GAMT: variants seen among roughly 807,000 people sequenced by gnomAD.
GAMT encodes the protein epididymis secretory protein Li 20.
In GAMT, 26 loss-of-function variants were observed where a neutral mutation model predicts 26.9. That is an observed-to-expected ratio of 0.97 (90% CI 0.71 to 1.34). The LOEUF is 1.34. Among genes scored for constraint, GAMT ranks in the 40% most tolerant of loss-of-function variants. The pLI, the probability that GAMT is intolerant of heterozygous loss-of-function variation, is 0.00. For synonymous variants in GAMT, 169 were observed against 149.6 expected (o/e 1.13, Z -0.95); for missense variants, 412 against 345.0 (o/e 1.19, Z -1.54).
At chr19:1,401,221 G>A in intron 1 of GAMT, 75 bp downstream of exon 1, 1 of 1,228,400 alleles carries the variant, frequency 8.1e-7, no homozygotes, top group South Asian at 2.1e-5. Flanking sequence ...GGGCTGCAGA[G>A]TCCCCGGGTC....
At position 1,397,114 on chromosome 19, in the gene GAMT, G is replaced by A. The variant is rs532056674; in HGVS notation, c.*245C>T. On this transcript the variant is annotated 3_prime_UTR_variant, in exon 6 of 6. Transcript: ENST00000252288. The stretch of plus-strand genomic sequence containing the variant: ...TCACTGCCGACTGGCCAAGCCCAGC[G>A]CCGGCGTTTACTTCACCTCAGGGAC... 2.4e-5 allele frequency: 13 copies of A among 532,966 alleles called. No homozygotes were observed. Among genetic ancestry groups the A allele is most frequent in the East Asian group, 9.3e-5 (3 of 32,164 alleles). 33.0% of individuals were successfully genotyped at this position (532,966 alleles called of 1,614,324 possible).
chr19:1,398,619 T>C lies in GAMT; in HGVS notation c.570+297A>G, dbSNP rs2082614313. 9.1e-6 allele frequency: 8 copies of C among 883,512 alleles called. No homozygotes were observed. The East Asian group carries it at 2.1e-4, about 24-fold the overall frequency. The allele number at this position is 883,512 out of a possible 1,614,324, so 54.7% of individuals were successfully genotyped here. A position where few individuals can be genotyped will look rare whatever the true frequency, so the allele number is the denominator to read the frequency against. On this transcript the variant is annotated intron_variant, in intron 5 of 5. Coordinates refer to ENST00000252288, the MANE Select transcript of GAMT (RefSeq NM_000156.6). Reference sequence around the variant, plus strand: ...CCCAGCTAGTTTTTTGTATTTTTTTTTTTTAGGAAAGATGAGGTCTTGCTC... The same window carrying C: ...CCCAGCTAGTTTTTTGTATTTTTTTCTTTTAGGAAAGATGAGGTCTTGCTC...
rs2082617102 is a variant in GAMT at position 1,398,985 on chromosome 19, G to A, written c.501C>T (p.Thr167=). 2 of 1,613,368 alleles carry A rather than the reference G, an allele frequency of 1.2e-6. No individual in the cohort carries two copies. Among genetic ancestry groups the A allele is most frequent in the Non-Finnish European group, 1.7e-6 (2 of 1,180,020 alleles). Residue 167 remains threonine, a synonymous_variant, in exon 5 of 6, where the codon ACC becomes ACT. Transcript: ENST00000252288. ...CCCCCCAGGAGGTGAGGTTGCAGTA[G>A]GTGAGGACGCCCCCCGGCTTCAGCA... is the stretch of plus-strand genomic sequence containing the variant. The part of the protein sequence containing the change: ...FRLLKPGGVL[T]YCNLTSWGEL...
Position 1,399,256 on chromosome 19 carries a change from C to G in GAMT, c.392-61G>C, listed in dbSNP as rs2082619173. ...GGGCTCAGCGCCTCACCCAGCCTCA[C>G]CCGGCTCATCCCCCAGCGGGTGGAG... On this transcript the variant is annotated intron_variant, in intron 3 of 5. Transcript: ENST00000252288. This position sits in a 1 kb window ranked among gnomAD's most constrained non-coding sequence, Gnocchi z 6.2. 6.4e-7 allele frequency: 1 copy of G among 1,561,636 alleles called. No individual in the cohort carries two copies. The highest frequency in any genetic ancestry group is 8.8e-7 in the Non-Finnish European group (1 of 1,133,560).
chr19:1,397,863 C>CA, intron 5 of GAMT: 1 of 1,143,970 alleles, frequency 8.7e-7, no homozygotes, highest in South Asian at 2.1e-5. Context: ...CCAGGGGCCA[C>CA]AGGCACCCAG....
chr19:1,400,487 CT>C (rs1222846044), intron 1 of GAMT, among the ~76,000 whole-genome samples: 1 of 152,174 alleles, frequency 6.6e-6, no homozygotes, highest in East Asian at 1.9e-4. Flanking sequence ...AAGACGGCCG[CT>C]TTTGGGGCCA....
At position 1,399,039 on chromosome 19, in the gene GAMT, A is replaced by G; in HGVS notation, c.460-13T>C. On this transcript the variant is annotated splice_polypyrimidine_tract_variant and intron_variant, in intron 4 of 5. Coordinates refer to ENST00000252288, the MANE Select transcript of GAMT (RefSeq NM_000156.6). The surrounding 1 kb of genome is among the most constrained non-coding windows in gnomAD (Gnocchi z 6.2). Reference sequence around the variant, plus strand: ...GAAAGGCGTGGTTCTGTGGAAGGGGAGTGGCCAGTGGTCAGGACGGAGGTG... The same window carrying G: ...GAAAGGCGTGGTTCTGTGGAAGGGGGGTGGCCAGTGGTCAGGACGGAGGTG... The G allele has an allele frequency of 6.2e-7, 1 of 1,613,280 alleles. No individual in the cohort carries two copies. Among genetic ancestry groups the G allele is most frequent in the Non-Finnish European group, 8.5e-7 (1 of 1,179,960 alleles).
In GAMT at chr19:1,399,608, A is replaced by AAT. The variant is rs1569006438; in HGVS notation, c.328-22_328-21insAT. On this transcript the variant is annotated intron_variant, in intron 2 of 5. Transcript: ENST00000252288. The surrounding 1 kb of genome is among the most constrained non-coding windows in gnomAD (Gnocchi z 6.2). ...ATGACCTTGCAGAGGGGAAAAGAAAAAGAGAGGACAGGGTAGAGAGGTCCC... is the reference window on the plus strand; with the variant it reads ...ATGACCTTGCAGAGGGGAAAAGAAAAATAGAGAGGACAGGGTAGAGAGGTCCC... 6.2e-7 allele frequency: 1 copy of AAT among 1,608,690 alleles called. No homozygotes were observed. The highest frequency in any genetic ancestry group is 1.3e-5 in the African/African-American group (1 of 74,964).
Position 1,398,783 on chromosome 19 carries a change from C to T in GAMT, c.570+133G>A, listed in dbSNP as rs114229164. The T allele has an allele frequency of 8.6e-4, 1,339 of 1,551,900 alleles. 16 individuals are homozygous for T. The African/African-American group carries it at 0.017, about 19-fold the overall frequency. On this transcript the variant is annotated intron_variant, in intron 5 of 5. Transcript: ENST00000252288. ...CAAAGGACTTTGATTTCTAAATGAA[C>T]CAGCACAGTCCAGCCCACCCAGGGG...
chr19:1,401,500 A>G lies in GAMT; in HGVS notation c.-24T>C, dbSNP rs1298013790. 1 of 1,289,866 alleles carries G rather than the reference A, an allele frequency of 7.8e-7. No individual in the cohort carries two copies. Among genetic ancestry groups the G allele is most frequent in the Non-Finnish European group, 9.8e-7 (1 of 1,018,774 alleles). The allele number at this position is 1,289,866 out of a possible 1,614,324, so 79.9% of individuals were successfully genotyped here. On this transcript the variant is annotated 5_prime_UTR_variant, in exon 1 of 6. Coordinates refer to ENST00000252288, the MANE Select transcript of GAMT (RefSeq NM_000156.6). ...ATGCTGCAGGCTGGACGGCGACCCG[A>G]CCTCGATCGCGCGCCGCCCGGGCCC...
At position 1,399,089 on chromosome 19, in the gene GAMT, C is replaced by G. The variant is rs374874882; in HGVS notation, c.459+39G>C. 1.2e-6 allele frequency: 2 copies of G among 1,613,292 alleles called. No homozygotes were observed. Among genetic ancestry groups the G allele is most frequent in the Non-Finnish European group, 8.5e-7 (1 of 1,179,900 alleles). On this transcript the variant is annotated intron_variant, in intron 4 of 5. Coordinates refer to ENST00000252288, the MANE Select transcript of GAMT (RefSeq NM_000156.6). This position sits in a 1 kb window ranked among gnomAD's most constrained non-coding sequence, Gnocchi z 6.2. ...GGGGGTGTGGGCAGAGGGGCTTCCC[C>G]GAGGGCCTCCCGCATCCCAGCAAGT... is the stretch of plus-strand genomic sequence containing the variant.
intron 5 of GAMT, chr19:1,398,536 A>G (rs1733947850): frequency 1.7e-6 from 1 of 602,078 alleles, no homozygotes; most frequent in Non-Finnish European, 2.9e-6. Flanking sequence ...CTGGGGCCCA[A>G]GCAATCCTCC....
chr19:1,397,467 GC>G lies in GAMT; in HGVS notation c.602del (p.Gly201AlafsTer11). ...ETQVPALLEA[G>X]FRRENIRTEV... ...CCGTACGGATGTTCTCCCTCCGGAA[GC>G]CGGCCTCCAGCAGCGCGGGCACCTG... On this transcript the variant is annotated frameshift_variant, in exon 6 of 6. Transcript: ENST00000252288. LOFTEE classifies it high-confidence loss of function. 1.2e-6 allele frequency: 2 copies of G among 1,608,414 alleles called. No homozygotes were observed. The highest frequency in any genetic ancestry group is 2.2e-5 in the South Asian group (2 of 91,088).
At position 1,399,410 on chromosome 19, in the gene GAMT, C is replaced by T; in HGVS notation, c.391+114G>A. 7 of 1,121,544 alleles carry T rather than the reference C, an allele frequency of 6.2e-6. No individual in the cohort carries two copies. The highest frequency in any genetic ancestry group is 9.2e-6 in the Non-Finnish European group (7 of 764,284). 69.5% of individuals were successfully genotyped at this position (1,121,544 alleles called of 1,614,324 possible). ...CTCCGCCATCCCACAGCCAGGCCCA[C>T]ACCCACTTGGGCTCTGTCCCCCCAG... On this transcript the variant is annotated intron_variant, in intron 3 of 5. Coordinates refer to ENST00000252288, the MANE Select transcript of GAMT (RefSeq NM_000156.6). The surrounding 1 kb of genome is among the most constrained non-coding windows in gnomAD (Gnocchi z 6.2).
In GAMT at chr19:1,401,394, T is replaced by G. The variant is rs1157903688; in HGVS notation, c.83A>C (p.Asp28Ala). Residue 28 changes from aspartate to alanine, a missense_variant, in exon 1 of 6, where the codon GAC becomes GCC. Transcript: ENST00000252288. ...GATGCGCAGGTGCGTGTCCGCTGCG[T>G]CGTAGGCCGCGGGCGCCGCCCCCCA... ...PAWGAAPAAY[D>A]AADTHLRILG... is the part of the protein sequence containing the mutation. The G allele has an allele frequency of 1.4e-6, 2 of 1,471,378 alleles. No individual in the cohort carries two copies. The highest frequency in any genetic ancestry group is 1.8e-6 in the Non-Finnish European group (2 of 1,115,980). The allele number at this position is 1,471,378 out of a possible 1,614,324, so 91.1% of individuals were successfully genotyped here.
At position 1,401,365 on chromosome 19, in the gene GAMT, C is replaced by A; in HGVS notation, c.112G>T (p.Gly38Cys). The A allele has an allele frequency of 6.6e-7, 1 of 1,524,282 alleles. No homozygotes were observed. The highest frequency in any genetic ancestry group is 8.7e-7 in the Non-Finnish European group (1 of 1,144,704). The allele number at this position is 1,524,282 out of a possible 1,614,324, so 94.4% of individuals were successfully genotyped here. Residue 38 changes from glycine to cysteine, a missense_variant, in exon 1 of 6, where the codon GGC becomes TGC. Transcript: ENST00000252288. ...TCCCAGCGCTCCATCACCGGCTTGC[C>A]CAGGATGCGCAGGTGCGTGTCCGCT... ...DAADTHLRIL[G>C]KPVMERWETP...
intron 5 of GAMT, 81 bp from the exon 6 acceptor site, chr19:1,397,580 G>T (rs998199957): frequency 1.3e-6 from 2 of 1,572,518 alleles, no homozygotes; most frequent in Non-Finnish European, 1.7e-6. Context: ...ATTGAAGAGT[G>T]TTTACAGATG....
intron 5 of GAMT, chr19:1,397,773 C>G: frequency 2.9e-6 from 4 of 1,358,776 alleles, no homozygotes; most frequent in Non-Finnish European, 3.8e-6. Flanking sequence ...CAGACCTTGC[C>G]AGTGTGGCGG....
At position 1,399,624 on chromosome 19, in the gene GAMT, G is replaced by C; in HGVS notation, c.328-37C>G. 1.3e-6 allele frequency: 2 copies of C among 1,596,630 alleles called. No homozygotes were observed. The highest frequency in any genetic ancestry group is 1.7e-6 in the Non-Finnish European group (2 of 1,169,982). On this transcript the variant is annotated intron_variant, in intron 2 of 5. Transcript: ENST00000252288. The surrounding 1 kb of genome is among the most constrained non-coding windows in gnomAD (Gnocchi z 6.2). ...GAAAAGAAAAAGAGAGGACAGGGTA[G>C]AGAGGTCCCCAGGATCTCCCCACCT... is the stretch of plus-strand genomic sequence containing the variant.
Sources: gnomAD v4.1 joint callset for allele counts (sites outside exome capture counted in the v4.1 genomes callset) on GRCh38, gnomAD v4.1.1 for gene constraint, Gnocchi (gnomAD v3.1) non-coding constraint, MANE v1.5 for transcripts, NCBI Gene and HGNC (gene_info 2026-07-23, HGNC 2026-07-21) for gene names.